Variants in AJM1 observed in about 807,000 individuals in gnomAD.
AJM1 encodes the protein uncharacterized protein C9orf172.
A neutral mutation model predicts 43.0 loss-of-function variants in AJM1; 22 were observed. The ratio of observed to expected loss-of-function variants is 0.51; its 90% CI spans 0.37 to 0.73. The LOEUF is 0.73. Ranked by LOEUF, AJM1 falls within the 30% of genes least tolerant of loss-of-function variation. AJM1 has a pLI of 0.00. For synonymous variants in AJM1, 719 were observed against 638.3 expected, an observed-to-expected ratio of 1.13 and a Z score of -1.91; for missense variants, 1,305 against 1,343.3, an observed-to-expected ratio of 0.97 and a Z score of 0.45.
In AJM1 at chr9:136,848,440, C is replaced by T. The variant is rs2131220861; in HGVS notation, c.*1095C>T. 1 of 152,506 alleles carries T rather than the reference C, an allele frequency of 6.6e-6. No homozygotes were observed. Among genetic ancestry groups the T allele is most frequent in the South Asian group, 2.1e-4 (1 of 4,838 alleles). 9.4% of individuals were successfully genotyped at this position (152,506 alleles called of 1,614,324 possible). On this transcript the variant is annotated 3_prime_UTR_variant, in exon 3 of 3. Transcript: ENST00000436881. ...GCCTCCACCTGTCCCCCAAGTGCAC[C>T]CTGGTCCGCGCCCAGAGCTCTCTGG...
Position 136,845,011 on chromosome 9 carries a change from C to G in AJM1, c.597C>G (p.His199Gln). 1.5e-6 allele frequency: 1 copy of G among 672,722 alleles called. No individual in the cohort carries two copies. Among genetic ancestry groups the G allele is most frequent in the Non-Finnish European group, 2.5e-6 (1 of 394,064 alleles). 41.7% of individuals were successfully genotyped at this position (672,722 alleles called of 1,614,324 possible). A position where few individuals can be genotyped will look rare whatever the true frequency, so the allele number is the denominator to read the frequency against. ...DIKPDDAVLQ[H>Q]ATRGSRSCGP... ...AGCCAGACGACGCAGTGCTCCAGCA[C>G]GCCACCCGGGGCTCGCGGTCCTGCG... The change falls in exon 3 of 3, where the codon CAC becomes CAG. Residue 199 changes from histidine (H) to glutamine (Q), a missense_variant. This residue lies in a region of AJM1 where 653 missense variants were observed against 549.1 expected (regional missense o/e 1.19). Transcript: ENST00000436881.
Position 136,845,445 on chromosome 9 carries a change from A to T in AJM1, c.1031A>T (p.Tyr344Phe). The change falls in exon 3 of 3, where the codon TAC (tyrosine) becomes TTC (phenylalanine). Residue 344 changes from tyrosine to phenylalanine, a missense_variant. Tyr to Phe is a conservative substitution (Grantham distance 22, BLOSUM62 3). Around this residue, in one of 6 missense-constraint regions of AJM1, gnomAD observed 653 missense variants for 549.1 expected, o/e 1.19. Coordinates refer to ENST00000436881, the MANE Select transcript of AJM1 (RefSeq NM_001080482.5). ...ATCCAGGAACCGCCCTCCCGCTCCT[A>T]CTATGGGGAGGCTCCACGAGCCTAC... is the stretch of plus-strand genomic sequence containing the variant. ...FPIQEPPSRS[Y>F]YGEAPRAYGL... is the part of the protein sequence containing the mutation. 8 of 1,611,318 alleles carry T rather than the reference A, an allele frequency of 5.0e-6. No homozygotes were observed. Among genetic ancestry groups the T allele is most frequent in the Non-Finnish European group, 6.8e-6 (8 of 1,179,454 alleles).
intron 1 of AJM1, among the ~76,000 whole-genome samples, chr9:136,843,127 G>A (rs1391117403): frequency 3.3e-5 from 5 of 152,146 alleles, no homozygotes; most frequent in African/African-American, 4.8e-5. Flanking sequence ...GGGGGGACCC[G>A]GCCAGACCCC....
Position 136,844,274 on chromosome 9 carries a change from C to A in AJM1, c.-65C>A, listed in dbSNP as rs1453681562. 1.1e-5 allele frequency: 8 copies of A among 709,438 alleles called. No homozygotes were observed. Among genetic ancestry groups the A allele is most frequent in the Non-Finnish European group, 1.9e-5 (8 of 416,882 alleles). 43.9% of individuals were successfully genotyped at this position (709,438 alleles called of 1,614,324 possible). ...AGCCAGGGCTGCTCCGCCCGCTGCG[C>A]CCCAGGTAAGCCGGGCCAGCGTGGG... On this transcript the variant is annotated 5_prime_UTR_variant, in exon 2 of 3. Coordinates refer to ENST00000436881, the MANE Select transcript of AJM1 (RefSeq NM_001080482.5).
rs1302288050 is a variant in AJM1, at chr9:136,846,096, C to T, written c.1682C>T (p.Pro561Leu). ...TTGCCCGGGGGCCGCACGCGGCCAC[C>T]TCCCCACGCGGCCCCCGACGGCCCC... ...WELPGGRTRP[P>L]PHAAPDGPTS... Residue 561 changes from proline (P) to leucine (L), a missense_variant, in exon 3 of 3, where the codon CCT becomes CTT. By Grantham distance (98) the Pro-to-Leu change is moderately conservative. Coordinates refer to ENST00000436881, the MANE Select transcript of AJM1 (RefSeq NM_001080482.5). The T allele has an allele frequency of 6.5e-7, 1 of 1,529,190 alleles. No individual in the cohort carries two copies. The highest frequency in any genetic ancestry group is 8.8e-7 in the Non-Finnish European group (1 of 1,142,542). 94.7% of individuals were successfully genotyped at this position (1,529,190 alleles called of 1,614,324 possible).
Position 136,847,190 on chromosome 9 carries a change from G to A in AJM1, c.2776G>A (p.Glu926Lys), listed in dbSNP as rs936098895. ...CCCGCGCGTCTACGAGCAGCTTTGCGAGTTCGTCGAGGCCAACAGGCGCTT... is the reference window on the plus strand; with the variant it reads ...CCCGCGCGTCTACGAGCAGCTTTGCAAGTTCGTCGAGGCCAACAGGCGCTT... The part of the protein sequence containing the change: ...EFPRVYEQLC[E>K]FVEANRRFTP... The change falls in exon 3 of 3, where the codon GAG becomes AAG. Residue 926 changes from glutamate (E) to lysine (K), a missense_variant. Physicochemically the swap from Glu to Lys is moderately conservative, Grantham distance 56. Coordinates refer to ENST00000436881, the MANE Select transcript of AJM1 (RefSeq NM_001080482.5). 12 of 1,605,164 alleles carry A rather than the reference G, an allele frequency of 7.5e-6. No individual in the cohort carries two copies. The highest frequency in any genetic ancestry group is 1.7e-5 in the Admixed American group (1 of 59,914).
rs774593186 is a variant in AJM1, at chr9:136,846,382, C to T, written c.1968C>T (p.Ser656=). Residue 656 remains serine, a synonymous_variant, in exon 3 of 3, where the codon AGC becomes AGT. Transcript: ENST00000436881. ...CGGCCGACGCGTCCCCCGAACCCAG[C>T]GCCGACGAGGACGACCTGATGACCT... ...GEAADASPEP[S]ADEDDLMTCS... The T allele has an allele frequency of 7.2e-6, 11 of 1,519,028 alleles. No homozygotes were observed. In the Admixed American group the frequency reaches 1.7e-4, roughly 24 times the overall value. 94.1% of individuals were successfully genotyped at this position (1,519,028 alleles called of 1,614,324 possible).
chr9:136,843,751 G>A (rs555478023), intron 1 of AJM1, among the ~76,000 whole-genome samples: 3 of 152,258 alleles, frequency 2.0e-5, no homozygotes, highest in South Asian at 4.1e-4. Context: ...CTCTGTGCTC[G>A]GCCCGGCCAG....
rs1384384233 is a variant in AJM1 at position 136,844,000 on chromosome 9, C to G, written c.-143-196C>G. ...GGACCACGCCCCCACTCCCCTACCC[C>G]ACCCGGAAAGGGGTCCACCCGAGCC... On this transcript the variant is annotated intron_variant, in intron 1 of 2. Transcript: ENST00000436881. Among the ~76,000 whole-genome samples the G allele has an allele frequency of 3.3e-5, 5 of 152,182 alleles. 1 individual carries two copies. The highest frequency in any genetic ancestry group is 3.3e-4 in the Admixed American group (5 of 15,292).
In AJM1 at chr9:136,844,476, C is replaced by T. The variant is rs1448186685; in HGVS notation, c.62C>T (p.Ala21Val). The T allele has an allele frequency of 2.5e-6, 4 of 1,611,264 alleles. No homozygotes were observed. Among genetic ancestry groups the T allele is most frequent in the Non-Finnish European group, 3.4e-6 (4 of 1,179,218 alleles). ...VSTVYQDIKV[A>V]TPGPASKCSP... ...ACCGTGTACCAGGACATCAAGGTGG[C>T]GACCCCGGGACCCGCGTCCAAGTGC... Residue 21 changes from alanine (A) to valine (V), a missense_variant, in exon 3 of 3, where the codon GCG becomes GTG. Around this residue, in one of 6 missense-constraint regions of AJM1, gnomAD observed 128 missense variants for 120.6 expected, o/e 1.06. Coordinates refer to ENST00000436881, the MANE Select transcript of AJM1 (RefSeq NM_001080482.5).
At position 136,844,651 on chromosome 9, in the gene AJM1, C is replaced by T; in HGVS notation, c.237C>T (p.Arg79=). ...CGCCGCCGGAGTCCGCTGTGCCGCGCGCCCGGACCCGCGAAGCCGAGCCAC... is the reference window on the plus strand; with the variant it reads ...CGCCGCCGGAGTCCGCTGTGCCGCGTGCCCGGACCCGCGAAGCCGAGCCAC... ...EPPPPESAVP[R]ARTREAEPRR... is the part of the protein sequence containing the mutation. Residue 79 remains arginine (R), a synonymous_variant, in exon 3 of 3, where the codon CGC becomes CGT. Coordinates refer to ENST00000436881, the MANE Select transcript of AJM1 (RefSeq NM_001080482.5). The T allele has an allele frequency of 1.3e-6, 2 of 1,490,762 alleles. No individual in the cohort carries two copies. The highest frequency in any genetic ancestry group is 2.2e-5 in the Admixed American group (1 of 45,442). The allele number at this position is 1,490,762 out of a possible 1,614,324, so 92.3% of individuals were successfully genotyped here. A position where few individuals can be genotyped will look rare whatever the true frequency, so the allele number is the denominator to read the frequency against.
In AJM1 at chr9:136,844,618, G is replaced by C; in HGVS notation, c.204G>C (p.Pro68=). ...ALDGPAMETL[P]EPPPPESAVP... is the part of the protein sequence containing the mutation. Reference sequence around the variant, plus strand: ...ACGGGCCGGCCATGGAGACCCTGCCGGAGCCACCGCCGCCGGAGTCCGCTG... The same window carrying C: ...ACGGGCCGGCCATGGAGACCCTGCCCGAGCCACCGCCGCCGGAGTCCGCTG... Residue 68 remains proline (P), a synonymous_variant, in exon 3 of 3, where the codon CCG becomes CCC. Transcript: ENST00000436881. The C allele has an allele frequency of 6.4e-7, 1 of 1,556,766 alleles. No homozygotes were observed. The highest frequency in any genetic ancestry group is 8.7e-7 in the Non-Finnish European group (1 of 1,153,434).
chr9:136,848,038 A>G lies in AJM1; in HGVS notation c.*693A>G, dbSNP rs1848806025. 1 of 152,238 alleles carries G rather than the reference A, an allele frequency of 6.6e-6. No individual in the cohort carries two copies. Among genetic ancestry groups the G allele is most frequent in the Non-Finnish European group, 1.5e-5 (1 of 68,040 alleles). The allele number at this position is 152,238 out of a possible 1,614,324, so 9.4% of individuals were successfully genotyped here. The stretch of plus-strand genomic sequence containing the variant: ...GCTGGTCGGAGCCAGCACACTAACC[A>G]CGCCACGCGCCCTGCCGTCCCTTCG... On this transcript the variant is annotated 3_prime_UTR_variant, in exon 3 of 3. Transcript: ENST00000436881.
intron 1 of AJM1, among the ~76,000 whole-genome samples, 105 bp downstream of exon 1, chr9:136,842,694 C>G (rs1334377643): frequency 6.6e-6 from 1 of 152,186 alleles, no homozygotes; most frequent in Non-Finnish European, 1.5e-5. Context: ...CAGGCAACAC[C>G]GGCTGTATCC....
At position 136,846,115 on chromosome 9, in the gene AJM1, C is replaced by T. The variant is rs1477575413; in HGVS notation, c.1701C>T (p.Asp567=). Residue 567 remains aspartate (D), a synonymous_variant, in exon 3 of 3, where the codon GAC becomes GAT. Transcript: ENST00000436881. ...RTRPPPHAAP[D]GPTSGRQRSL... ...GGCCACCTCCCCACGCGGCCCCCGA[C>T]GGCCCCACCTCTGGCCGCCAGCGGA... 4 of 1,529,026 alleles carry T rather than the reference C, an allele frequency of 2.6e-6. No individual in the cohort carries two copies. The highest frequency in any genetic ancestry group is 1.2e-5 in the South Asian group (1 of 83,290). 94.7% of individuals were successfully genotyped at this position (1,529,026 alleles called of 1,614,324 possible).
Position 136,845,977 on chromosome 9 carries a change from G to A in AJM1, c.1563G>A (p.Glu521=). ...TGACGGAGAAGGGCCGCGCGGGCGA[G>A]GGCCTGGGCCGCAACTGGTACGTGA... ...TSLTEKGRAG[E]GLGRNWYVTP... is the part of the protein sequence containing the mutation. Residue 521 remains glutamate (E), a synonymous_variant, in exon 3 of 3, where the codon GAG becomes GAA. Coordinates refer to ENST00000436881, the MANE Select transcript of AJM1 (RefSeq NM_001080482.5). 1.3e-6 allele frequency: 2 copies of A among 1,553,478 alleles called. No individual in the cohort carries two copies. Among genetic ancestry groups the A allele is most frequent in the South Asian group, 1.2e-5 (1 of 84,268 alleles).
chr9:136,845,844 T>A lies in AJM1; in HGVS notation c.1430T>A (p.Val477Glu). 1 of 1,559,024 alleles carries A rather than the reference T, an allele frequency of 6.4e-7. No individual in the cohort carries two copies. Among genetic ancestry groups the A allele is most frequent in the Non-Finnish European group, 8.7e-7 (1 of 1,155,042 alleles). The change falls in exon 3 of 3, where the codon GTG becomes GAG. Residue 477 changes from valine to glutamate, a missense_variant. Val to Glu is a moderately radical substitution (Grantham distance 121, BLOSUM62 -2). Around this residue, in one of 6 missense-constraint regions of AJM1, gnomAD observed 653 missense variants for 549.1 expected, o/e 1.19. Coordinates refer to ENST00000436881, the MANE Select transcript of AJM1 (RefSeq NM_001080482.5). ...RSYENLLGREVREPRGVSPEG... is the reference protein window; with the variant it reads ...RSYENLLGREEREPRGVSPEG... Reference sequence around the variant, plus strand: ...TACGAGAACCTGCTGGGGCGCGAGGTGCGGGAGCCGCGAGGCGTGTCCCCC... The same window carrying A: ...TACGAGAACCTGCTGGGGCGCGAGGAGCGGGAGCCGCGAGGCGTGTCCCCC...
rs1257384276 is a variant in AJM1 at position 136,845,988 on chromosome 9, G to A, written c.1574G>A (p.Arg525His). 5 of 1,552,842 alleles carry A rather than the reference G, an allele frequency of 3.2e-6. No individual in the cohort carries two copies. The highest frequency in any genetic ancestry group is 1.2e-5 in the South Asian group (1 of 84,270). ...EKGRAGEGLGRNWYVTPEITI... is the reference protein window; with the variant it reads ...EKGRAGEGLGHNWYVTPEITI... ...GGCCGCGCGGGCGAGGGCCTGGGCC[G>A]CAACTGGTACGTGACGCCCGAGATC... Residue 525 changes from arginine (R) to histidine (H), a missense_variant, in exon 3 of 3, where the codon CGC becomes CAC. Around this residue, in one of 6 missense-constraint regions of AJM1, gnomAD observed 653 missense variants for 549.1 expected, o/e 1.19. Transcript: ENST00000436881.
Position 136,844,468 on chromosome 9 carries a change from C to G in AJM1, c.54C>G (p.Ile18Met). 1 of 1,611,804 alleles carries G rather than the reference C, an allele frequency of 6.2e-7. No homozygotes were observed. The highest frequency in any genetic ancestry group is 1.1e-5 in the South Asian group (1 of 90,980). ...DLLVSTVYQD[I>M]KVATPGPASK... ...TGGTGTCGACCGTGTACCAGGACAT[C>G]AAGGTGGCGACCCCGGGACCCGCGT... Residue 18 changes from isoleucine (I) to methionine (M), a missense_variant, in exon 3 of 3, where the codon ATC becomes ATG. Ile to Met is a conservative substitution (Grantham distance 10). Transcript: ENST00000436881.
Sources: allele counts gnomAD v4.1 joint callset (sites outside exome capture counted in the v4.1 genomes callset), GRCh38; gene constraint gnomAD v4.1.1; regional missense constraint gnomAD v4.1.1; transcripts MANE v1.5; gene names NCBI Gene and HGNC (gene_info 2026-07-23, HGNC 2026-07-21).